EFHB: variants seen among roughly 807,000 people sequenced by gnomAD.
The protein encoded by EFHB is EF-hand domain family member B.
EFHB carries 91 observed loss-of-function variants against 87.2 expected under a neutral mutation model. The observed-to-expected ratio is 1.04, with a 90% CI of 0.88 to 1.24. The LOEUF (loss-of-function observed/expected upper bound fraction) is 1.24, where lower values mean the gene tolerates loss of function less well. Among genes scored for constraint, EFHB ranks in the 50% most tolerant of loss-of-function variants. The probability of loss-of-function intolerance (pLI) is 0.00; values close to 1 mark genes in which losing one functional copy is unlikely to be tolerated. For missense variants in EFHB, 1,084 were observed against 998.8 expected (o/e 1.09, Z -1.15); for synonymous variants, 325 against 333.6 (o/e 0.97, Z 0.28).
intron 9 of EFHB, chr3:19,894,467 T>C (rs1229917324): frequency 6.6e-6 from 1 of 152,348 alleles, no homozygotes; most frequent in East Asian, 1.9e-4. Context: ...AATAGCAGAA[T>C]TAATTTCATA....
At chr3:19,911,069 T>A (rs1386284627) in intron 5 of EFHB, among the ~76,000 whole-genome samples, 2 of 152,082 alleles carry the variant, frequency 1.3e-5, no homozygotes, top group African/African-American at 4.8e-5. Flanking sequence ...ATCAGCACCA[T>A]CTAGGAAAAT....
chr3:19,945,385 T>G (rs1293464752), intron 1 of EFHB, among the ~76,000 whole-genome samples: 1 of 152,204 alleles, frequency 6.6e-6, no homozygotes, highest in Non-Finnish European at 1.5e-5. Context: ...AGAACAGCAG[T>G]ATGCATTAAT....
At chr3:19,919,049 C>A (rs1695341794) in intron 3 of EFHB, among the ~76,000 whole-genome samples, 1 of 151,550 alleles carries the variant, frequency 6.6e-6, no homozygotes, top group Admixed American at 6.6e-5. Flanking sequence ...TCCAAAAGTT[C>A]TCTTCAGATA....
At chr3:19,913,316 G>T (rs1331438607) in intron 5 of EFHB, among the ~76,000 whole-genome samples, 1 of 151,962 alleles carries the variant, frequency 6.6e-6, no homozygotes, top group Non-Finnish European at 1.5e-5. Context: ...GACTCCACAA[G>T]AAAACTATTA....
chr3:19,896,008 T>C (rs971812253), intron 9 of EFHB, among the ~76,000 whole-genome samples: 2 of 152,200 alleles, frequency 1.3e-5, no homozygotes, highest in Non-Finnish European at 2.9e-5. Flanking sequence ...AGCTTGAACA[T>C]TGAATGATCT....
At chr3:19,925,862 C>T (rs1269323610) in intron 1 of EFHB, among the ~76,000 whole-genome samples, 1 of 152,154 alleles carries the variant, frequency 6.6e-6, no homozygotes, top group Non-Finnish European at 1.5e-5. Flanking sequence ...TCCCACTTGC[C>T]CTTGGTCAAG....
chr3:19,879,800 G>C lies in EFHB; in HGVS notation c.2333C>G (p.Ala778Gly). Reference protein sequence around the residue: ...FFKTRSKEEIAEILCNIGVKL... With the variant: ...FFKTRSKEEIGEILCNIGVKL... Reference sequence around the variant, plus strand: ...GACACCAATGTTACACAATATCTCTGCAATCTAGAAAAAGGCATTTAAAAT... The same window carrying C: ...GACACCAATGTTACACAATATCTCTCCAATCTAGAAAAAGGCATTTAAAAT... The change falls in exon 13 of 13, where the codon GCA becomes GGA. Residue 778 changes from alanine to glycine, a missense_variant. By Grantham distance (60) the Ala-to-Gly change is moderately conservative (BLOSUM62 0). Coordinates refer to ENST00000295824, the MANE Select transcript of EFHB (RefSeq NM_144715.4). 6.3e-7 allele frequency: 1 copy of C among 1,577,526 alleles called. No individual in the cohort carries two copies. The highest frequency in any genetic ancestry group is 8.6e-7 in the Non-Finnish European group (1 of 1,166,022).
At chr3:19,889,425 T>G (rs1196593525) in intron 9 of EFHB, among the ~76,000 whole-genome samples, 1 of 152,184 alleles carries the variant, frequency 6.6e-6, no homozygotes, top group Non-Finnish European at 1.5e-5. Flanking sequence ...GAATTCTTCC[T>G]GCTATAAGGG....
intron 1 of EFHB, among the ~76,000 whole-genome samples, chr3:19,929,519 T>C (rs1219560602): frequency 1.3e-5 from 2 of 151,640 alleles, no homozygotes; most frequent in African/African-American, 4.8e-5. Context: ...GCCTGGCCAA[T>C]ATGATGAAAC....
In EFHB at chr3:19,918,452, A is replaced by T. The variant is rs908392255; in HGVS notation, c.997-40T>A. On this transcript the variant is annotated intron_variant, in intron 3 of 12. Transcript: ENST00000295824. ...CAATGCACAAATATATCAACAAAAAAAGTATAAATCTGAAAATAGAAACCC... is the reference window on the plus strand; with the variant it reads ...CAATGCACAAATATATCAACAAAAATAGTATAAATCTGAAAATAGAAACCC... 5 of 1,517,784 alleles carry T rather than the reference A, an allele frequency of 3.3e-6. No homozygotes were observed. The African/African-American group carries it at 7.1e-5, about 21-fold the overall frequency. The allele number at this position is 1,517,784 out of a possible 1,614,324, so 94.0% of individuals were successfully genotyped here.
chr3:19,903,352 G>A (rs564181932), intron 6 of EFHB, among the ~76,000 whole-genome samples: 1 of 152,100 alleles, frequency 6.6e-6, no homozygotes, highest in East Asian at 1.9e-4. Context: ...CTGCTCTTAG[G>A]ATGTTCTTGA....
At chr3:19,927,999 C>T (rs1420863462) in intron 1 of EFHB, among the ~76,000 whole-genome samples, 1 of 149,764 alleles carries the variant, frequency 6.7e-6, no homozygotes, top group African/African-American at 2.4e-5. Flanking sequence ...CTATACATAA[C>T]ATATAAAGAA....
chr3:19,925,555 C>G (rs1256437957), intron 1 of EFHB, among the ~76,000 whole-genome samples: 2 of 152,132 alleles, frequency 1.3e-5, no homozygotes, highest in African/African-American at 4.8e-5. Context: ...GGCTTTCTGT[C>G]TGTAACCCAA....
intron 5 of EFHB, among the ~76,000 whole-genome samples, chr3:19,910,700 G>C (rs956030898): frequency 1.2e-4 from 18 of 152,192 alleles, no homozygotes; most frequent in South Asian, 4.1e-4. Flanking sequence ...AGCAGTGGTG[G>C]CCACAGGGGT....
At chr3:19,934,437 C>CT (rs1297628172), upstream of EFHB, among the ~76,000 whole-genome samples, 2 of 87,046 alleles carry the variant, frequency 2.3e-5, no homozygotes, top group Non-Finnish European at 4.9e-5. Flanking sequence ...CCTTTGCCCT[C>CT]TCCCTCTCTC....
At position 19,882,608 on chromosome 3, in the gene EFHB, A is replaced by G. The variant is rs750437249; in HGVS notation, c.2270T>C (p.Ile757Thr). 2 of 1,612,396 alleles carry G rather than the reference A, an allele frequency of 1.2e-6. No individual in the cohort carries two copies. Among genetic ancestry groups the G allele is most frequent in the East Asian group, 4.5e-5 (2 of 44,856 alleles). Residue 757 changes from isoleucine (I) to threonine (T), a missense_variant, in exon 12 of 13, where the codon ATT becomes ACT. Coordinates refer to ENST00000295824, the MANE Select transcript of EFHB (RefSeq NM_144715.4). ...TTCAAACACTCCTTTCCGGGCAAAAATGGTAGGATATAGTAGTGAATATGC... is the reference window on the plus strand; with the variant it reads ...TTCAAACACTCCTTTCCGGGCAAAAGTGGTAGGATATAGTAGTGAATATGC... ...GSAYSLLYPT[I>T]FARKGVFERD... is the part of the protein sequence containing the mutation.
intron 12 of EFHB, among the ~76,000 whole-genome samples, chr3:19,882,216 G>A (rs1034311444): frequency 3.3e-5 from 5 of 152,210 alleles, no homozygotes; most frequent in African/African-American, 1.2e-4. Context: ...TAGTTCTAGA[G>A]GCCCAAGGCC....
intron 1 of EFHB, among the ~76,000 whole-genome samples, chr3:19,924,010 C>T (rs1695529155): frequency 6.6e-6 from 1 of 152,068 alleles, no homozygotes; most frequent in Non-Finnish European, 1.5e-5. Flanking sequence ...GGCAGGAGGA[C>T]TGCTGGAGCC....
upstream of EFHB, among the ~76,000 whole-genome samples, chr3:19,936,902 A>G (rs1389522630): frequency 1.4e-5 from 2 of 146,506 alleles, no homozygotes; most frequent in Non-Finnish European, 3.0e-5. Context: ...TAAATAAATA[A>G]ATAAATAAAT....
Sources: allele counts gnomAD v4.1 joint callset (sites outside exome capture counted in the v4.1 genomes callset), GRCh38; gene constraint gnomAD v4.1.1; transcripts MANE v1.5; gene names NCBI Gene and HGNC (gene_info 2026-07-23, HGNC 2026-07-21).